Variants in NTRK3 observed in about 807,000 individuals in gnomAD.
NTRK3 encodes neurotrophic receptor tyrosine kinase 3, also known as NT-3 growth factor receptor.
NTRK3 carries 24 observed loss-of-function variants against 91.7 expected under a neutral mutation model. The ratio of observed to expected loss-of-function variants is 0.26; its 90% CI spans 0.19 to 0.37. NTRK3 has a LOEUF of 0.37. NTRK3 is among the 10% of genes least tolerant of loss of function. The pLI, the probability that NTRK3 is intolerant of heterozygous loss-of-function variation, is 1.00. For synonymous variants in NTRK3, 483 were observed against 404.0 expected, an observed-to-expected ratio of 1.20 and a Z score of -2.34; for missense variants, 880 against 1,068.9, an observed-to-expected ratio of 0.82 and a Z score of 2.46.
intron 6 of NTRK3, 21 bp from the exon 7 acceptor site, chr15:88,137,582 G>T (rs978419319): frequency 1.2e-6 from 2 of 1,612,246 alleles, no homozygotes; most frequent in Non-Finnish European, 1.7e-6. Context: ...AGAGAGAGGG[G>T]AAGGGAACCT....
intron 3 of NTRK3, among the ~76,000 whole-genome samples, chr15:88,206,531 G>C (rs1179179016): frequency 7.1e-6 from 1 of 141,580 alleles, no homozygotes; most frequent in African/African-American, 2.6e-5. Context: ...GGTGGCGGGC[G>C]CCTGTAGTCC....
intron 14 of NTRK3, among the ~76,000 whole-genome samples, chr15:87,999,668 A>G (rs1199162203): frequency 6.6e-6 from 1 of 152,202 alleles, no homozygotes; most frequent in East Asian, 1.9e-4. Context: ...GGAGCTGAGG[A>G]CATGACTAAA....
intron 3 of NTRK3, among the ~76,000 whole-genome samples, chr15:88,212,700 T>TCA (rs60620542): frequency 0.013 from 1,916 of 145,514 alleles, 26 homozygotes; most frequent in Admixed American, 0.027. Flanking sequence ...GGCTGCTGCA[T>TCA]CACACACACA....
At chr15:88,030,227 C>T (rs139888214) in intron 14 of NTRK3, among the ~76,000 whole-genome samples, 28 of 152,304 alleles carry the variant, frequency 1.8e-4, no homozygotes, top group African/African-American at 6.3e-4. Flanking sequence ...TTCTTGTTTA[C>T]ACTGAAGAAC....
intron 13 of NTRK3, among the ~76,000 whole-genome samples, chr15:88,058,370 G>A (rs1417746787): frequency 6.6e-6 from 1 of 152,168 alleles, no homozygotes; most frequent in Non-Finnish European, 1.5e-5. Context: ...TCATAGGATT[G>A]TTTTGAGGGT....
chr15:88,156,520 T>C (rs1328401742), intron 5 of NTRK3, among the ~76,000 whole-genome samples: 1 of 151,782 alleles, frequency 6.6e-6, no homozygotes, highest in Non-Finnish European at 1.5e-5. Flanking sequence ...CAAAATGGCA[T>C]CGCCCTGTTG....
chr15:87,948,302 T>C (rs1174091129), intron 14 of NTRK3, among the ~76,000 whole-genome samples: 1 of 152,232 alleles, frequency 6.6e-6, no homozygotes, highest in East Asian at 1.9e-4. Flanking sequence ...CCTGGTTTCC[T>C]GTAAAGGACC....
At chr15:88,167,141 T>C (rs2045041880) in intron 5 of NTRK3, among the ~76,000 whole-genome samples, 1 of 152,200 alleles carries the variant, frequency 6.6e-6, no homozygotes, top group South Asian at 2.1e-4. Flanking sequence ...CCTAACCATC[T>C]TTCAGTGTTT....
At position 88,208,387 on chromosome 15, in the gene NTRK3, G is replaced by C. The variant is rs533802124; in HGVS notation, c.249-24088C>G. On this transcript the variant is annotated intron_variant, in intron 3 of 18. Transcript: ENST00000394480. ...GGAATCAAAATAGAGTGGACACAAAGGAAATAAGATTCACAGTGAGAAAGC... is the reference window on the plus strand; with the variant it reads ...GGAATCAAAATAGAGTGGACACAAACGAAATAAGATTCACAGTGAGAAAGC... Among the ~76,000 whole-genome samples the C allele has an allele frequency of 2.6e-5, 4 of 152,234 alleles. No individual in the cohort carries two copies. The East Asian group carries it at 7.7e-4, about 29-fold the overall frequency.
chr15:87,917,433 C>T (rs776953390), intron 17 of NTRK3, among the ~76,000 whole-genome samples: 1 of 152,178 alleles, frequency 6.6e-6, no homozygotes, highest in Non-Finnish European at 1.5e-5. Flanking sequence ...ACATTTAAGG[C>T]TCCTTCCAGC....
chr15:88,159,046 C>T (rs2044190319), intron 5 of NTRK3, among the ~76,000 whole-genome samples: 4 of 152,208 alleles, frequency 2.6e-5, no homozygotes, highest in African/African-American at 7.2e-5. Context: ...CTGCCCAGGG[C>T]GGGCACTGTC....
intron 14 of NTRK3, among the ~76,000 whole-genome samples, chr15:87,951,956 G>A (rs2071147337): frequency 6.6e-6 from 1 of 151,976 alleles, no homozygotes; most frequent in South Asian, 2.1e-4. Context: ...GTGAAAGCAA[G>A]TTTCCACTAA....
chr15:87,984,999 C>A (rs959144355), intron 14 of NTRK3, among the ~76,000 whole-genome samples: 2 of 152,146 alleles, frequency 1.3e-5, no homozygotes, highest in Non-Finnish European at 2.9e-5. Context: ...ATAGGCTGTG[C>A]ATTAAGACCA....
exon 19 of NTRK3, chr15:87,868,204 A>G (rs192214605): frequency 8.8e-4 from 203 of 230,678 alleles, no homozygotes; most frequent in African/African-American, 4.3e-3. Flanking sequence ...TAAGTATCAT[A>G]ACATAAATAA....
At chr15:88,002,168 G>GTTTTTTTTTTTTTTTT (rs770668339) in intron 14 of NTRK3, among the ~76,000 whole-genome samples, 1 of 70,184 alleles carries the variant, frequency 1.4e-5, no homozygotes, top group African/African-American at 5.8e-5. Flanking sequence ...GATAGTGGTT[G>GTTTTTTTTTTTTTTTT]TTTTTTTTTT....
chr15:88,000,289 C>G (rs191704132), intron 14 of NTRK3, among the ~76,000 whole-genome samples: 17 of 152,326 alleles, frequency 1.1e-4, no homozygotes, highest in African/African-American at 3.6e-4. Flanking sequence ...CTGGCCCCAG[C>G]CCCCTCCTCT....
chr15:88,020,062 A>G (rs534521631), intron 14 of NTRK3, among the ~76,000 whole-genome samples: 2 of 152,234 alleles, frequency 1.3e-5, no homozygotes, highest in South Asian at 2.1e-4. Context: ...ACAGACATTG[A>G]AGCCCTAACT....
At chr15:88,250,432 T>C (rs138298342) in intron 3 of NTRK3, among the ~76,000 whole-genome samples, 146 of 152,338 alleles carry the variant, frequency 9.6e-4, no homozygotes, top group Admixed American at 3.0e-3. Context: ...AAAATAATGA[T>C]ATGACTGATG....
intron 13 of NTRK3, among the ~76,000 whole-genome samples, chr15:88,104,054 A>C (rs1483874244): frequency 6.6e-6 from 1 of 152,234 alleles, no homozygotes; most frequent in Non-Finnish European, 1.5e-5. Flanking sequence ...ATAGCCAGGC[A>C]TCTGGAAGAA....
Sources: gnomAD v4.1 joint callset for allele counts (sites outside exome capture counted in the v4.1 genomes callset) on GRCh38, gnomAD v4.1.1 for gene constraint, MANE v1.5 for transcripts, NCBI Gene and HGNC (gene_info 2026-07-23, HGNC 2026-07-21) for gene names.